Variants in SPTBN4 observed in about 807,000 individuals in gnomAD.
SPTBN4 encodes the protein spectrin beta chain, non-erythrocytic 4.
A neutral mutation model predicts 277.8 loss-of-function variants in SPTBN4; 96 were observed. The observed-to-expected ratio is 0.35, with a 90% CI of 0.29 to 0.41. The LOEUF (loss-of-function observed/expected upper bound fraction) is 0.41. Ranked by LOEUF, SPTBN4 falls within the 10% of genes least tolerant of loss-of-function variation. SPTBN4 has a pLI of 1.00. For missense variants in SPTBN4, 3,006 were observed against 3,595.7 expected (o/e 0.84, Z 4.19); for synonymous variants, 1,481 against 1,580.3 (o/e 0.94, Z 1.49).
chr19:40,565,926 GA>G (rs1168170727), intron 29 of SPTBN4, among the ~76,000 whole-genome samples, 181 bp downstream of exon 29: 5 of 151,912 alleles, frequency 3.3e-5, no homozygotes, highest in East Asian at 3.9e-4. Flanking sequence ...ACCCACCCTT[GA>G]AAAAAAAGTC....
At position 40,515,332 on chromosome 19, in the gene SPTBN4, G is replaced by A; in HGVS notation, c.2787G>A (p.Glu929=). 1 of 1,612,872 alleles carries A rather than the reference G, an allele frequency of 6.2e-7. No homozygotes were observed. Among genetic ancestry groups the A allele is most frequent in the Non-Finnish European group, 8.5e-7 (1 of 1,179,616 alleles). Residue 929 remains glutamate, a synonymous_variant, in exon 15 of 36, where the codon GAG becomes GAA. Transcript: ENST00000598249. This position sits in a 1 kb window ranked among gnomAD's most constrained non-coding sequence, Gnocchi z 4.1. ...GCAGATTCGAGAGCCTGGACCAAGAGATGAACAGCCTGATGGGCCGCGTTC... is the reference window on the plus strand; with the variant it reads ...GCAGATTCGAGAGCCTGGACCAAGAAATGAACAGCCTGATGGGCCGCGTTC... ...VQHRFESLDQ[E]MNSLMGRVLD...
intron 20 of SPTBN4, among the ~76,000 whole-genome samples, chr19:40,547,390 T>C (rs2080870579): frequency 6.6e-6 from 1 of 152,148 alleles, no homozygotes; most frequent in African/African-American, 2.4e-5. Flanking sequence ...TAGTATTCCA[T>C]GGTGTATATG....
intron 20 of SPTBN4, among the ~76,000 whole-genome samples, chr19:40,537,290 A>G (rs1599779407): frequency 6.6e-6 from 1 of 152,182 alleles, no homozygotes; most frequent in South Asian, 2.1e-4. Flanking sequence ...GATTACAGGC[A>G]TGAGCCATGG....
Position 40,557,004 on chromosome 19 carries a change from C to CCA in SPTBN4, c.5290-18_5290-17insAC. On this transcript the variant is annotated intron_variant, in intron 25 of 35. Transcript: ENST00000598249. ...TTTGCTCACTTTGCTGTACCCCCCC[C>CCA]CCCACTTCCTGATGGCAGGTGCTGC... is the stretch of plus-strand genomic sequence containing the variant. 6.5e-7 allele frequency: 1 copy of CCA among 1,528,192 alleles called. No homozygotes were observed. 94.7% of individuals were successfully genotyped at this position (1,528,192 alleles called of 1,614,324 possible). A position where few individuals can be genotyped will look rare whatever the true frequency, so the allele number is the denominator to read the frequency against.
intron 2 of SPTBN4, among the ~76,000 whole-genome samples, chr19:40,485,961 G>A (rs1471702020): frequency 6.7e-6 from 1 of 148,784 alleles, no homozygotes; most frequent in Non-Finnish European, 1.5e-5. Flanking sequence ...ACAACTTCAC[G>A]CCCACTAGGA....
intron 20 of SPTBN4, chr19:40,534,918 C>T (rs746966525): frequency 2.6e-5 from 4 of 155,528 alleles, no homozygotes; most frequent in Admixed American, 6.2e-5. Context: ...TATCTGCTCC[C>T]AGCTTGGCAG....
intron 27 of SPTBN4, among the ~76,000 whole-genome samples, chr19:40,561,263 T>G (rs532979292): frequency 6.6e-6 from 1 of 152,226 alleles, no homozygotes; most frequent in African/African-American, 2.4e-5. Flanking sequence ...TCCACCTGCC[T>G]CAGCCTTCCA....
intron 20 of SPTBN4, 70 bp from the exon 21 acceptor site, chr19:40,549,119 G>C: frequency 7.6e-7 from 1 of 1,315,718 alleles, no homozygotes; most frequent in South Asian, 1.4e-5. Context: ...GTCACCATAA[G>C]GGTACTGGAG....
rs2080829827 is a variant in SPTBN4, at chr19:40,544,119, T to C, written c.4360-5070T>C. On this transcript the variant is annotated intron_variant, in intron 20 of 35. Coordinates refer to ENST00000598249, the MANE Select transcript of SPTBN4 (RefSeq NM_020971.3). Reference sequence around the variant, plus strand: ...TAGGTAGGTTCTAAATTGCTTCTTCTTCTTCCTCTTTTTTTTTTTTTTTTT... The same window carrying C: ...TAGGTAGGTTCTAAATTGCTTCTTCCTCTTCCTCTTTTTTTTTTTTTTTTT... Among the ~76,000 whole-genome samples, 3 of 137,824 alleles carry C rather than the reference T, an allele frequency of 2.2e-5. No homozygotes were observed. The South Asian group carries it at 6.7e-4, about 31-fold the overall frequency. 90.4% of individuals were successfully genotyped at this position (137,824 alleles called of 152,430 possible). A position where few individuals can be genotyped will look rare whatever the true frequency, so the allele number is the denominator to read the frequency against.
At position 40,570,449 on chromosome 19, in the gene SPTBN4, A is replaced by G. The variant is rs1410955533; in HGVS notation, c.7040A>G (p.Gln2347Arg). Residue 2347 changes from glutamine (Q) to arginine (R), a missense_variant, in exon 33 of 36, where the codon CAG becomes CGG. Gln to Arg is a conservative substitution (Grantham distance 43). This residue lies in a region of SPTBN4 where 630 missense variants were observed against 677.6 expected (regional missense o/e 0.93). Transcript: ENST00000598249. ...CCCTTCACACAGCCGTCGCTGCCTC[A>G]GCCACGCGAGCTTCCCCCAGGTCGC... ...PGLPAGPSLP[Q>R]PRELPPGRLP... 1 of 1,562,528 alleles carries G rather than the reference A, an allele frequency of 6.4e-7. No homozygotes were observed. Among genetic ancestry groups the G allele is most frequent in the Admixed American group, 1.8e-5 (1 of 56,340 alleles).
intron 13 of SPTBN4, among the ~76,000 whole-genome samples, chr19:40,510,471 A>C (rs1018424283): frequency 1.3e-5 from 2 of 151,896 alleles, no homozygotes. Flanking sequence ...TGCCCAGCTA[A>C]TTTTTGTATT....
chr19:40,536,369 A>C (rs950871332), intron 20 of SPTBN4, among the ~76,000 whole-genome samples: 1 of 151,990 alleles, frequency 6.6e-6, no homozygotes, highest in African/African-American at 2.4e-5. Flanking sequence ...ATGTGCCACC[A>C]CACCCAGCTA....
intron 1 of SPTBN4, among the ~76,000 whole-genome samples, chr19:40,472,294 C>T (rs1384569920): frequency 3.9e-5 from 6 of 152,020 alleles, no homozygotes; most frequent in Admixed American, 3.9e-4. Flanking sequence ...ATCCGCCCTC[C>T]TCAGCCTCTC....
chr19:40,534,447 G>A, intron 20 of SPTBN4, 104 bp downstream of exon 20: 2 of 1,390,526 alleles, frequency 1.4e-6, no homozygotes, highest in East Asian at 2.5e-5. Context: ...TTTAATACAG[G>A]GATTTATTTC....
At chr19:40,473,429 CT>C (rs2079910627) in intron 2 of SPTBN4, among the ~76,000 whole-genome samples, 1 of 142,556 alleles carries the variant, frequency 7.0e-6, no homozygotes, top group African/African-American at 2.6e-5. Flanking sequence ...GCGATCTCGG[CT>C]CACCGCAACC....
rs755143438 is a variant in SPTBN4 at position 40,532,815 on chromosome 19, G to T, written c.4095+44G>T. The T allele has an allele frequency of 8.3e-6, 13 of 1,568,322 alleles. No homozygotes were observed. In the South Asian group the frequency reaches 1.6e-4, roughly 19 times the overall value. ...CCTCTGCCTGTGCCAGGTGCAGGAG[G>T]CCTCCAGGGAGCCCACGTCTCACCT... is the stretch of plus-strand genomic sequence containing the variant. On this transcript the variant is annotated intron_variant, in intron 19 of 35. Transcript: ENST00000598249.
At chr19:40,573,918 G>A (rs1421914866) in intron 35 of SPTBN4, among the ~76,000 whole-genome samples, 4 of 151,958 alleles carry the variant, frequency 2.6e-5, no homozygotes, top group Non-Finnish European at 5.9e-5. Flanking sequence ...TGGCTGACAC[G>A]GTGAAACCCC....
intron 12 of SPTBN4, among the ~76,000 whole-genome samples, chr19:40,505,490 A>T (rs1350512939): frequency 6.6e-6 from 1 of 151,794 alleles, no homozygotes; most frequent in Non-Finnish European, 1.5e-5. Flanking sequence ...TCAGGAGTTC[A>T]AGACCAGCCT....
At chr19:40,503,678 C>A in intron 11 of SPTBN4, 152 bp from the exon 12 acceptor site, 1 of 827,226 alleles carries the variant, frequency 1.2e-6, no homozygotes, top group Non-Finnish European at 1.8e-6. Flanking sequence ...ACCTGGGTAA[C>A]AGGGGAGGAT....
Sources: allele counts gnomAD v4.1 joint callset (sites outside exome capture counted in the v4.1 genomes callset), GRCh38; gene constraint gnomAD v4.1.1; regional missense constraint gnomAD v4.1.1; non-coding constraint Gnocchi (gnomAD v3.1); transcripts MANE v1.5; gene names NCBI Gene and HGNC (gene_info 2026-07-23, HGNC 2026-07-21).